Variants in NUDCD1 observed in about 807,000 individuals in gnomAD.
NUDCD1 encodes nudC domain-containing protein 1.
In NUDCD1, 60 loss-of-function variants were observed where a neutral mutation model predicts 67.8. The ratio of observed to expected loss-of-function variants is 0.88; its 90% CI spans 0.72 to 1.10. The LOEUF (loss-of-function observed/expected upper bound fraction) is 1.10. Ranked by LOEUF, NUDCD1 falls within the 50% of genes least tolerant of loss-of-function variation. The pLI, the probability that NUDCD1 is intolerant of heterozygous loss-of-function variation, is 0.00. For synonymous variants in NUDCD1, 244 were observed against 230.8 expected (o/e 1.06, Z -0.52); for missense variants, 643 against 695.0 (o/e 0.93, Z 0.84).
At chr8:109,245,595 A>T in intron 8 of NUDCD1, 114 bp from the exon 9 acceptor site, 1 of 714,476 alleles carries the variant, frequency 1.4e-6, no homozygotes, top group East Asian at 2.7e-5. Context: ...TATACTTTTT[A>T]TATACTTAAT....
intron 6 of NUDCD1, 38 bp from the exon 7 acceptor site, chr8:109,275,534 C>T (rs1423767680): frequency 6.5e-7 from 1 of 1,541,684 alleles, no homozygotes; most frequent in South Asian, 1.2e-5. Context: ...TTACATTAAG[C>T]AATTATACAA....
chr8:109,248,245 AGTCCCTACAAACC>A lies in NUDCD1; in HGVS notation c.1300-2777_1300-2765del, dbSNP rs1396010926. Among the ~76,000 whole-genome samples the A allele has an allele frequency of 1.4e-4, 21 of 152,326 alleles. No individual in the cohort carries two copies. The East Asian group carries it at 3.9e-3, about 28-fold the overall frequency. On this transcript the variant is annotated intron_variant, in intron 8 of 9. Transcript: ENST00000239690. ...CCCCTAGAGCCTCCAGAATGAATGT[AGTCCCTACAAACC>A]ACTTTAGGACTTCTGACCTCCCAAA...
At chr8:109,276,434 G>GAATAC (rs1814290468) in intron 6 of NUDCD1, among the ~76,000 whole-genome samples, 1 of 152,114 alleles carries the variant, frequency 6.6e-6, no homozygotes, top group Non-Finnish European at 1.5e-5. Flanking sequence ...TCATGCCCTG[G>GAATAC]AACACAACTG....
intron 8 of NUDCD1, among the ~76,000 whole-genome samples, chr8:109,250,687 T>C (rs1813603818): frequency 6.6e-6 from 1 of 151,998 alleles, no homozygotes; most frequent in Non-Finnish European, 1.5e-5. Flanking sequence ...CGAATGGTAT[T>C]TTTTTTTCAT....
chr8:109,263,453 C>A (rs532210532), intron 8 of NUDCD1, among the ~76,000 whole-genome samples: 3 of 152,264 alleles, frequency 2.0e-5, no homozygotes, highest in African/African-American at 7.2e-5. Flanking sequence ...GAGAAATTGG[C>A]ACAAATATGC....
At chr8:109,319,829 T>C (rs752888307) in intron 2 of NUDCD1, among the ~76,000 whole-genome samples, 2 of 152,312 alleles carry the variant, frequency 1.3e-5, no homozygotes, top group Non-Finnish European at 2.9e-5. Context: ...ACCTAGGTTC[T>C]TTTCTATTTT....
intron 2 of NUDCD1, among the ~76,000 whole-genome samples, chr8:109,311,845 C>T (rs1048241222): frequency 2.0e-5 from 3 of 151,904 alleles, no homozygotes; most frequent in Middle Eastern, 3.4e-3. Flanking sequence ...GTATACTGCT[C>T]GGGTGATGGC....
At chr8:109,307,379 G>A (rs1254967949) in intron 2 of NUDCD1, among the ~76,000 whole-genome samples, 3 of 152,184 alleles carry the variant, frequency 2.0e-5, no homozygotes, top group African/African-American at 4.8e-5. Context: ...GACTCAGTCC[G>A]CCTGCACCCA....
intron 2 of NUDCD1, among the ~76,000 whole-genome samples, chr8:109,299,536 T>C (rs991529324): frequency 1.3e-5 from 2 of 152,086 alleles, no homozygotes; most frequent in African/African-American, 4.8e-5. Context: ...ATAATCCTCC[T>C]AGGAACATAA....
intron 2 of NUDCD1, among the ~76,000 whole-genome samples, chr8:109,312,634 C>T (rs1433399399): frequency 1.3e-5 from 2 of 152,068 alleles, no homozygotes; most frequent in East Asian, 3.9e-4. Flanking sequence ...AAAAACTGTG[C>T]CAATAAAAAC....
At chr8:109,322,270 A>C (rs1448948625) in intron 2 of NUDCD1, 39 bp downstream of exon 2, 1 of 1,146,472 alleles carries the variant, frequency 8.7e-7, no homozygotes, top group Non-Finnish European at 1.2e-6. Context: ...GCTTGATATT[A>C]CATACATATA....
intron 9 of NUDCD1, among the ~76,000 whole-genome samples, chr8:109,244,769 A>G (rs1348240154): frequency 6.6e-6 from 1 of 152,196 alleles, no homozygotes; most frequent in Non-Finnish European, 1.5e-5. Context: ...TAGTTTAAAC[A>G]TTGTCAAGCC....
rs1336111034 is a variant in NUDCD1 at position 109,243,188 on chromosome 8, G to C, written c.1573C>G (p.Pro525Ala). ...RRVFIYRQPA[P>A]MSTVLYNRKE... ...CTGTTGTAAAGTACAGTGGACATGG[G>C]AGCAGGCTGACGATAGATGAATACT... The change falls in exon 10 of 10, where the codon CCC becomes GCC. Residue 525 changes from proline to alanine, a missense_variant. Transcript: ENST00000239690. The C allele has an allele frequency of 6.2e-7, 1 of 1,613,654 alleles. No individual in the cohort carries two copies. Among genetic ancestry groups the C allele is most frequent in the African/African-American group, 1.3e-5 (1 of 74,864 alleles).
At chr8:109,298,374 A>G (rs1361408299) in intron 2 of NUDCD1, among the ~76,000 whole-genome samples, 1 of 152,204 alleles carries the variant, frequency 6.6e-6, no homozygotes, top group African/African-American at 2.4e-5. Flanking sequence ...CATCATTTAG[A>G]GCATGATGTG....
At chr8:109,243,327 A>T (rs918243575) in intron 9 of NUDCD1, 26 bp from the exon 10 acceptor site, 1 of 1,523,376 alleles carries the variant, frequency 6.6e-7, no homozygotes, top group African/African-American at 1.4e-5. Flanking sequence ...GACAAACAAA[A>T]GAAAAACTAT....
chr8:109,306,179 G>T (rs1346031361), intron 2 of NUDCD1, among the ~76,000 whole-genome samples: 2 of 152,100 alleles, frequency 1.3e-5, no homozygotes, highest in Non-Finnish European at 2.9e-5. Context: ...AACTATCGTA[G>T]TGGATATCCT....
chr8:109,331,399 C>T (rs1307693349), intron 1 of NUDCD1, among the ~76,000 whole-genome samples: 1 of 151,742 alleles, frequency 6.6e-6, no homozygotes, highest in Non-Finnish European at 1.5e-5. Context: ...GCCTGTAATC[C>T]CAACTACTCG....
intron 2 of NUDCD1, among the ~76,000 whole-genome samples, chr8:109,311,632 T>C (rs1410301522): frequency 6.7e-6 from 1 of 150,218 alleles, no homozygotes; most frequent in Non-Finnish European, 1.5e-5. Flanking sequence ...GTGACCTGGA[T>C]GAGATTGGAG....
At chr8:109,315,033 G>A (rs1490512911) in intron 2 of NUDCD1, among the ~76,000 whole-genome samples, 6 of 151,964 alleles carry the variant, frequency 3.9e-5, no homozygotes, top group African/African-American at 1.2e-4. Flanking sequence ...AAACTTTGCC[G>A]TTTTAAAAGG....
Sources: allele counts gnomAD v4.1 joint callset (sites outside exome capture counted in the v4.1 genomes callset), GRCh38; gene constraint gnomAD v4.1.1; transcripts MANE v1.5; gene names NCBI Gene and HGNC (gene_info 2026-07-23, HGNC 2026-07-21).